The following ZBTB20 variants were observed in gnomAD, a reference collection of about 807,000 sequenced individuals.
ZBTB20 encodes the protein zinc finger and BTB domain-containing protein 20.
In ZBTB20, 9 loss-of-function variants were observed where a neutral mutation model predicts 56.9. The ratio of observed to expected loss-of-function variants is 0.16; its 90% CI spans 0.10 to 0.28. The LOEUF (loss-of-function observed/expected upper bound fraction) is 0.28. Ranked by LOEUF, ZBTB20 falls within the 10% of genes least tolerant of loss-of-function variation. The pLI is 1.00. For missense variants in ZBTB20, 655 were observed against 1,003.0 expected (o/e 0.65, Z 4.69); for synonymous variants, 417 against 420.7 (o/e 0.99, Z 0.11).
chr3:115,067,589 A>G (rs935915729), intron 2 of ZBTB20, among the ~76,000 whole-genome samples: 16 of 152,000 alleles, frequency 1.1e-4, no homozygotes, highest in African/African-American at 3.9e-4. Context: ...TCTTATCTTC[A>G]GATTGTCCTC....
chr3:114,393,091 GGAGCCATGCTACGCATTGA>G (rs1201327786), intron 7 of ZBTB20, among the ~76,000 whole-genome samples: 4 of 152,202 alleles, frequency 2.6e-5, no homozygotes, highest in Non-Finnish European at 4.4e-5. Context: ...CCAGTATGGT[GGAGCCATGCTACGCATTGA>G]GACATCCATT....
rs532502471 is a variant in ZBTB20, at chr3:114,544,656, A to G, written c.-294-44265T>C. ...GTAACTGGAACTACAGGCACATGCC[A>G]TCACTCCTGCCTAATTTTTGTATTT... On this transcript the variant is annotated intron_variant, in intron 6 of 11. Transcript: ENST00000675478. 4.6e-4 allele frequency among the ~76,000 whole-genome samples: 70 copies of G among 152,036 alleles called. 1 individual carries two copies. The highest frequency in any genetic ancestry group is 1.3e-3 in the Admixed American group (20 of 15,266).
chr3:114,795,157 A>G (rs1448551001), intron 5 of ZBTB20, among the ~76,000 whole-genome samples: 1 of 152,126 alleles, frequency 6.6e-6, no homozygotes. Context: ...TTTGAATTAT[A>G]AGACCTCTAT....
intron 2 of ZBTB20, among the ~76,000 whole-genome samples, chr3:114,985,147 G>T (rs911594977): frequency 6.6e-6 from 1 of 151,966 alleles, no homozygotes; most frequent in African/African-American, 2.4e-5. Context: ...ACTCATTGTC[G>T]ATTTTCCTAC....
At chr3:114,464,614 A>G (rs2092463460) in intron 7 of ZBTB20, among the ~76,000 whole-genome samples, 1 of 152,242 alleles carries the variant, frequency 6.6e-6, no homozygotes, top group South Asian at 2.1e-4. Flanking sequence ...CAAATGATAA[A>G]GACTAATAAA....
chr3:114,341,899 C>A (rs1234806472), intron 11 of ZBTB20, among the ~76,000 whole-genome samples: 1 of 152,174 alleles, frequency 6.6e-6, no homozygotes, highest in Non-Finnish European at 1.5e-5. Context: ...CCAAGGGCAA[C>A]CTACTTAGTC....
At chr3:114,745,381 T>C (rs530173184) in intron 5 of ZBTB20, among the ~76,000 whole-genome samples, 1 of 152,228 alleles carries the variant, frequency 6.6e-6, no homozygotes, top group Admixed American at 6.5e-5. Flanking sequence ...TTACTCTCCT[T>C]TGGAAGAGAC....
chr3:114,893,631 T>G (rs1410869037), intron 4 of ZBTB20, among the ~76,000 whole-genome samples: 1 of 152,122 alleles, frequency 6.6e-6, no homozygotes, highest in East Asian at 1.9e-4. Flanking sequence ...TTTGTGACTC[T>G]TCACTCCATC....
intron 1 of ZBTB20, among the ~76,000 whole-genome samples, chr3:115,130,088 ACT>A (rs1313548381): frequency 1.3e-5 from 2 of 152,090 alleles, no homozygotes; most frequent in Admixed American, 6.5e-5. Flanking sequence ...ATTTTACTTG[ACT>A]CTCACAAAGA....
At chr3:114,890,808 G>T (rs602866) in intron 4 of ZBTB20, among the ~76,000 whole-genome samples, 1 of 151,988 alleles carries the variant, frequency 6.6e-6, no homozygotes, top group Non-Finnish European at 1.5e-5. Context: ...ACAGTCTGGC[G>T]GAGGAGAAAA....
chr3:114,735,176 T>C (rs1333177923), intron 5 of ZBTB20, among the ~76,000 whole-genome samples: 1 of 152,144 alleles, frequency 6.6e-6, no homozygotes, highest in Non-Finnish European at 1.5e-5. Context: ...TCTTATTGAA[T>C]GACTTTATAA....
At chr3:114,643,910 A>G (rs2059694314) in intron 6 of ZBTB20, among the ~76,000 whole-genome samples, 1 of 151,926 alleles carries the variant, frequency 6.6e-6, no homozygotes, top group Non-Finnish European at 1.5e-5. Flanking sequence ...TTCCCTATAT[A>G]TTTTTACCAG....
At chr3:114,944,569 G>T (rs557127820) in intron 3 of ZBTB20, among the ~76,000 whole-genome samples, 1 of 145,676 alleles carries the variant, frequency 6.9e-6, no homozygotes, top group Non-Finnish European at 1.5e-5. Flanking sequence ...GCTAAGATAC[G>T]GAAGCAACCT....
chr3:114,472,263 C>T (rs1447309180), intron 7 of ZBTB20, among the ~76,000 whole-genome samples: 1 of 152,266 alleles, frequency 6.6e-6, no homozygotes, highest in East Asian at 1.9e-4. Context: ...AATGGGACGT[C>T]AAAATTTTGC....
chr3:114,945,037 T>C (rs1215586681), intron 3 of ZBTB20, among the ~76,000 whole-genome samples: 5 of 145,780 alleles, frequency 3.4e-5, no homozygotes, highest in South Asian at 2.1e-4. Flanking sequence ...TTAGCTTGAT[T>C]TATTAATTCT....
At chr3:114,481,501 T>C (rs889601245) in intron 7 of ZBTB20, among the ~76,000 whole-genome samples, 4 of 152,232 alleles carry the variant, frequency 2.6e-5, no homozygotes, top group African/African-American at 9.6e-5. Flanking sequence ...CCCGATTTGC[T>C]TGCTAAATCC....
At chr3:114,532,016 G>A (rs146626986) in intron 6 of ZBTB20, among the ~76,000 whole-genome samples, 1,933 of 152,246 alleles carry the variant, frequency 0.013, 31 homozygotes, top group Non-Finnish European at 0.019. Flanking sequence ...TCCCTTGGGT[G>A]CCTACACCAC....
At chr3:114,871,477 C>T (rs2076009255) in intron 4 of ZBTB20, among the ~76,000 whole-genome samples, 1 of 152,152 alleles carries the variant, frequency 6.6e-6, no homozygotes, top group South Asian at 2.1e-4. Context: ...CCCAAATGCC[C>T]TAATACCAGC....
chr3:114,772,926 A>G (rs1016888252), intron 5 of ZBTB20, among the ~76,000 whole-genome samples: 21 of 152,224 alleles, frequency 1.4e-4, no homozygotes, highest in African/African-American at 4.6e-4. Flanking sequence ...CAGTCTAATC[A>G]TCTTAAAAGC....
Sources: allele counts gnomAD v4.1 joint callset (sites outside exome capture counted in the v4.1 genomes callset), GRCh38; gene constraint gnomAD v4.1.1; transcripts MANE v1.5; gene names NCBI Gene and HGNC (gene_info 2026-07-23, HGNC 2026-07-21).